SGCZ: variants seen among roughly 807,000 people sequenced by gnomAD.
The protein encoded by SGCZ is zeta-sarcoglycan.
Under a neutral mutation model 41.3 loss-of-function variants are expected in SGCZ, and 40 were observed. The observed-to-expected ratio is 0.97, with a 90% CI of 0.75 to 1.26. The LOEUF (loss-of-function observed/expected upper bound fraction) is 1.26. Among genes scored for constraint, SGCZ ranks in the 50% most tolerant of loss-of-function variants. The pLI is 0.00. For synonymous variants in SGCZ, 206 were observed against 137.5 expected (o/e 1.50, Z -3.49); for missense variants, 552 against 369.8 (o/e 1.49, Z -4.04).
At chr8:14,586,595 A>T (rs778442612) in intron 1 of SGCZ, among the ~76,000 whole-genome samples, 2 of 152,194 alleles carry the variant, frequency 1.3e-5, no homozygotes, top group African/African-American at 2.4e-5. Flanking sequence ...TACTAAGAAA[A>T]ATAATAGTCA....
intron 1 of SGCZ, among the ~76,000 whole-genome samples, chr8:14,911,914 A>T (rs1415177506): frequency 6.6e-6 from 1 of 151,990 alleles, no homozygotes; most frequent in Non-Finnish European, 1.5e-5. Flanking sequence ...TCTATACTGC[A>T]ATGATAAATG....
chr8:14,899,083 AT>A (rs773399911), intron 1 of SGCZ, among the ~76,000 whole-genome samples: 3 of 151,646 alleles, frequency 2.0e-5, no homozygotes, highest in East Asian at 1.9e-4. Flanking sequence ...AGGAACTGTA[AT>A]TTTTTTTTCC....
intron 6 of SGCZ, among the ~76,000 whole-genome samples, chr8:14,104,030 G>C (rs726390): frequency 0.67 from 102,291 of 151,954 alleles, 35,266 homozygotes; most frequent in Non-Finnish European, 0.74. Context: ...TGTATGGAAA[G>C]TCTCCTGTCC....
chr8:14,528,931 C>T (rs758524861), intron 2 of SGCZ, among the ~76,000 whole-genome samples: 43 of 151,544 alleles, frequency 2.8e-4, no homozygotes, highest in Non-Finnish European at 5.3e-4. Context: ...AGACATCATC[C>T]ACTGCAATAT....
At chr8:14,486,228 C>T (rs1459404333) in intron 2 of SGCZ, among the ~76,000 whole-genome samples, 1 of 152,124 alleles carries the variant, frequency 6.6e-6, no homozygotes, top group Non-Finnish European at 1.5e-5. Flanking sequence ...TTCCTCTCCC[C>T]CTTGAAATTG....
chr8:14,789,864 T>C (rs932949686), intron 1 of SGCZ, among the ~76,000 whole-genome samples: 2 of 152,196 alleles, frequency 1.3e-5, no homozygotes, highest in African/African-American at 4.8e-5. Context: ...TCCATGTATG[T>C]GTATTCCATT....
chr8:14,859,452 C>T (rs1803648065), intron 1 of SGCZ, among the ~76,000 whole-genome samples: 1 of 152,052 alleles, frequency 6.6e-6, no homozygotes, highest in South Asian at 2.1e-4. Context: ...TAGTTTAACC[C>T]TAAACTCCCT....
At chr8:14,794,515 G>A (rs1434112563) in intron 1 of SGCZ, among the ~76,000 whole-genome samples, 1 of 152,104 alleles carries the variant, frequency 6.6e-6, no homozygotes, top group Non-Finnish European at 1.5e-5. Context: ...ACAAATATCT[G>A]CAAAGAAATG....
intron 1 of SGCZ, among the ~76,000 whole-genome samples, chr8:14,637,809 A>G (rs1012808255): frequency 6.6e-6 from 1 of 151,786 alleles, no homozygotes; most frequent in African/African-American, 2.4e-5. Context: ...TTGGTGGAAC[A>G]ATTTATGTTT....
At chr8:15,146,574 C>G (rs1026964366) in intron 1 of SGCZ, among the ~76,000 whole-genome samples, 2 of 152,156 alleles carry the variant, frequency 1.3e-5, no homozygotes, top group African/African-American at 4.8e-5. Flanking sequence ...AGAATAGTTT[C>G]AGTAGTGTAT....
At chr8:15,003,524 T>G (rs961409863) in intron 1 of SGCZ, among the ~76,000 whole-genome samples, 1 of 152,114 alleles carries the variant, frequency 6.6e-6, no homozygotes, top group Non-Finnish European at 1.5e-5. Flanking sequence ...CACTGCAAAA[T>G]AAGTTAGTCA....
intron 4 of SGCZ, among the ~76,000 whole-genome samples, chr8:14,205,380 T>C (rs538365426): frequency 1.2e-4 from 19 of 152,282 alleles, no homozygotes; most frequent in African/African-American, 4.1e-4. Flanking sequence ...TCTGCTAAAA[T>C]GTTTTTCAGA....
chr8:14,629,725 T>C (rs981268548), intron 1 of SGCZ, among the ~76,000 whole-genome samples: 6 of 152,114 alleles, frequency 3.9e-5, no homozygotes, highest in Non-Finnish European at 8.8e-5. Context: ...TTAGGACTTT[T>C]TTAGGGTAAA....
intron 1 of SGCZ, among the ~76,000 whole-genome samples, chr8:14,640,276 G>C (rs78529755): frequency 0.032 from 4,783 of 151,550 alleles, 104 homozygotes; most frequent in Non-Finnish European, 0.049. Context: ...TGTTGCTATC[G>C]TATCTTTGCC....
At chr8:14,961,636 T>C (rs539897800) in intron 1 of SGCZ, among the ~76,000 whole-genome samples, 1 of 152,262 alleles carries the variant, frequency 6.6e-6, no homozygotes, top group Admixed American at 6.5e-5. Flanking sequence ...ATAGTACATA[T>C]AGGGTCCACT....
chr8:14,566,761 A>T (rs1351298812), intron 1 of SGCZ, among the ~76,000 whole-genome samples: 1 of 152,168 alleles, frequency 6.6e-6, no homozygotes, highest in Non-Finnish European at 1.5e-5. Flanking sequence ...GCACTGTGGG[A>T]GCCCCTTTCT....
chr8:14,217,507 C>G (rs926748214), intron 4 of SGCZ, among the ~76,000 whole-genome samples: 19 of 151,720 alleles, frequency 1.3e-4, no homozygotes, highest in Middle Eastern at 3.2e-3. Flanking sequence ...TTATATGGCA[C>G]TTCCCGTGAA....
intron 1 of SGCZ, among the ~76,000 whole-genome samples, chr8:15,055,537 T>A (rs1197265226): frequency 6.6e-6 from 1 of 152,196 alleles, no homozygotes; most frequent in Non-Finnish European, 1.5e-5. Context: ...GTAGCATTAC[T>A]GGTTTACATG....
intron 3 of SGCZ, among the ~76,000 whole-genome samples, chr8:14,245,742 T>C (rs530054864): frequency 3.6e-4 from 54 of 152,022 alleles, no homozygotes; most frequent in Non-Finnish European, 6.9e-4. Context: ...CTCAAACAAA[T>C]TTACAAAAAA....
Sources: allele counts gnomAD v4.1 joint callset (sites outside exome capture counted in the v4.1 genomes callset), GRCh38; gene constraint gnomAD v4.1.1; transcripts MANE v1.5; gene names NCBI Gene and HGNC (gene_info 2026-07-23, HGNC 2026-07-21).